DACH2: variants seen among roughly 807,000 people sequenced by gnomAD.
The protein encoded by DACH2 is dachshund homolog 2.
Under a neutral mutation model 35.8 loss-of-function variants are expected in DACH2, and 17 were observed. That is an observed-to-expected ratio of 0.48 (90% CI 0.33 to 0.71). The LOEUF is 0.71. Ranked by LOEUF, DACH2 falls within the 30% of genes least tolerant of loss-of-function variation. The pLI is 0.02. For synonymous variants in DACH2, 195 were observed against 177.3 expected, an observed-to-expected ratio of 1.10 and a Z score of -0.79; for missense variants, 469 against 472.7, an observed-to-expected ratio of 0.99 and a Z score of 0.07.
In DACH2 at chrX:86,382,461, TACACACACACACACAC is replaced by T. The variant is rs55825336; in HGVS notation, c.527+5628_527+5643del. Among the ~76,000 whole-genome samples, 53 of 94,251 alleles carry T rather than the reference TACACACACACACACAC, an allele frequency of 5.6e-4. No individual in the cohort carries two copies. In the South Asian group the frequency reaches 0.01, roughly 18 times the overall value. 81.8% of individuals were successfully genotyped at this position (94,251 alleles called of 115,157 possible). On this transcript the variant is annotated intron_variant, in intron 2 of 11. Transcript: ENST00000373125. ...CAGAGTTGCAAATATGCTACATTCA[TACACACACACACACAC>T]ACACACACACACACACACACACACA...
intron 6 of DACH2, among the ~76,000 whole-genome samples, chrX:86,728,586 C>T (rs2041497209): frequency 8.9e-6 from 1 of 112,682 alleles, no homozygotes; most frequent in South Asian, 3.7e-4. Flanking sequence ...CCTCCCATCA[C>T]AAGCCTAGAG....
At chrX:86,715,607 G>T (rs1453567754) in intron 6 of DACH2, among the ~76,000 whole-genome samples, 2 of 111,350 alleles carry the variant, frequency 1.8e-5, no homozygotes, top group African/African-American at 6.5e-5. Context: ...ATAATTACAT[G>T]CCAGGTTATT....
At chrX:86,690,410 C>T (rs1447083142) in intron 4 of DACH2, among the ~76,000 whole-genome samples, 4 of 111,253 alleles carry the variant, frequency 3.6e-5, no homozygotes, top group African/African-American at 1.3e-4. Flanking sequence ...TGCTTTGGGT[C>T]CCACCCATAA....
intron 2 of DACH2, among the ~76,000 whole-genome samples, chrX:86,438,519 C>T (rs1341612472): frequency 9.0e-6 from 1 of 111,685 alleles, no homozygotes; most frequent in Non-Finnish European, 1.9e-5. Flanking sequence ...AGACACGGCA[C>T]TTGGCCCGAA....
At chrX:86,419,845 G>T (rs1405294934) in intron 2 of DACH2, among the ~76,000 whole-genome samples, 1 of 111,575 alleles carries the variant, frequency 9.0e-6, no homozygotes, top group Non-Finnish European at 1.9e-5. Flanking sequence ...CTAGCTTCAG[G>T]AGGTAGCATG....
At chrX:86,463,591 A>G (rs2037613304) in intron 2 of DACH2, among the ~76,000 whole-genome samples, 1 of 111,450 alleles carries the variant, frequency 9.0e-6, no homozygotes, top group South Asian at 3.8e-4. Flanking sequence ...AACCTGGGCA[A>G]TACCATTCAG....
At chrX:86,606,751 G>A (rs1271994440) in intron 3 of DACH2, among the ~76,000 whole-genome samples, 1 of 111,338 alleles carries the variant, frequency 9.0e-6, no homozygotes. Context: ...TTTATTTGTT[G>A]ATTTTCTGTC....
At chrX:86,274,646 C>T (rs954097853) in intron 1 of DACH2, among the ~76,000 whole-genome samples, 1 of 107,789 alleles carries the variant, frequency 9.3e-6, no homozygotes, top group Admixed American at 1.0e-4. Context: ...AGGTGCCTGC[C>T]ACCACGCCCG....
At chrX:86,571,753 A>T (rs1162730076) in intron 3 of DACH2, among the ~76,000 whole-genome samples, 2 of 110,708 alleles carry the variant, frequency 1.8e-5, no homozygotes, top group African/African-American at 6.6e-5. Context: ...TTTCTCTATA[A>T]ATTTAAATTA....
chrX:86,437,544 T>G (rs947314941), intron 2 of DACH2, among the ~76,000 whole-genome samples: 5 of 111,791 alleles, frequency 4.5e-5, no homozygotes, highest in East Asian at 2.8e-4. Flanking sequence ...TGAGATTTTT[T>G]TGTGTGTGTC....
chrX:86,649,115 C>T (rs2040449106), intron 3 of DACH2, among the ~76,000 whole-genome samples: 1 of 110,779 alleles, frequency 9.0e-6, no homozygotes, highest in Non-Finnish European at 1.9e-5. Context: ...ATTAAACTAG[C>T]TTCTAAATCT....
At chrX:86,612,461 C>G (rs1250160665) in intron 3 of DACH2, among the ~76,000 whole-genome samples, 4 of 111,182 alleles carry the variant, frequency 3.6e-5, no homozygotes, top group African/African-American at 9.8e-5. Flanking sequence ...CTTTTGAGTT[C>G]ATTCAGAACC....
chrX:86,156,505 G>A (rs1251637394), intron 1 of DACH2, among the ~76,000 whole-genome samples: 1 of 111,372 alleles, frequency 9.0e-6, no homozygotes, highest in Non-Finnish European at 1.9e-5. Flanking sequence ...TTGTAATCAT[G>A]CCATAAACCT....
At chrX:86,632,236 A>AT (rs1422277481) in intron 3 of DACH2, among the ~76,000 whole-genome samples, 1 of 111,313 alleles carries the variant, frequency 9.0e-6, no homozygotes, top group East Asian at 2.8e-4. Flanking sequence ...CATTACCTCC[A>AT]TTTGGCATGG....
At chrX:86,635,173 A>G (rs1256553427) in intron 3 of DACH2, among the ~76,000 whole-genome samples, 1 of 111,093 alleles carries the variant, frequency 9.0e-6, no homozygotes, top group Non-Finnish European at 1.9e-5. Flanking sequence ...ATCTACCTCA[A>G]TCAAGTAGGC....
intron 3 of DACH2, among the ~76,000 whole-genome samples, chrX:86,534,054 G>T (rs1389389098): frequency 2.7e-5 from 3 of 112,084 alleles, no homozygotes; most frequent in African/African-American, 9.7e-5. Flanking sequence ...AAAGTGCTCT[G>T]GAATATTTAT....
intron 2 of DACH2, among the ~76,000 whole-genome samples, chrX:86,503,854 T>G (rs969182292): frequency 9.0e-6 from 1 of 111,506 alleles, no homozygotes; most frequent in African/African-American, 3.3e-5. Flanking sequence ...TTGTCAGCTA[T>G]TGGATCTTGG....
chrX:86,288,393 T>C (rs2034198108), intron 1 of DACH2, among the ~76,000 whole-genome samples: 1 of 111,767 alleles, frequency 8.9e-6, no homozygotes, highest in Non-Finnish European at 1.9e-5. Context: ...CCCTGGTTAC[T>C]GCCTATGTTT....
chrX:86,654,932 A>C (rs2040522809), intron 4 of DACH2, among the ~76,000 whole-genome samples: 1 of 111,816 alleles, frequency 8.9e-6, no homozygotes, highest in African/African-American at 3.2e-5. Context: ...ATCATTTGTA[A>C]ATGAAAATGT....
Sources: gnomAD v4.1 joint callset for allele counts (sites outside exome capture counted in the v4.1 genomes callset) on GRCh38, gnomAD v4.1.1 for gene constraint, MANE v1.5 for transcripts, NCBI Gene and HGNC (gene_info 2026-07-23, HGNC 2026-07-21) for gene names.